NDUFA11: variants seen among roughly 807,000 people sequenced by gnomAD.
The protein encoded by NDUFA11 is NADH:ubiquinone oxidoreductase subunit A11.
In NDUFA11, 14 loss-of-function variants were observed where a neutral mutation model predicts 11.3. The ratio of observed to expected loss-of-function variants is 1.24; its 90% CI spans 0.82 to 1.94. The LOEUF is 1.94. NDUFA11 is among the 30% of genes most tolerant of loss of function. The pLI is 0.00. For synonymous variants in NDUFA11, 87 were observed against 85.6 expected (o/e 1.02, Z -0.09); for missense variants, 204 against 200.3 (o/e 1.02, Z -0.11).
chr19:5,893,278 T>A, downstream of NDUFA11: 1 of 1,248,590 alleles, frequency 8.0e-7, no homozygotes, highest in Non-Finnish European at 1.1e-6. This position sits in a 1 kb window ranked among gnomAD's most constrained non-coding sequence, Gnocchi z 4.1. Flanking sequence ...CACAACACAG[T>A]GAGATCCTGT....
chr19:5,891,647 C>T (rs575408119), downstream of NDUFA11: 67 of 152,576 alleles, frequency 4.4e-4, no homozygotes, highest in African/African-American at 1.5e-3. Flanking sequence ...AGCCCCCAGG[C>T]ACCTCTCCTG....
intron 1 of NDUFA11, chr19:5,901,326 G>T: frequency 1.6e-6 from 2 of 1,281,932 alleles, no homozygotes; most frequent in Non-Finnish European, 2.0e-6. Flanking sequence ...GAAGACCCTC[G>T]ATAAGGACCT....
chr19:5,898,370 CA>C (rs894696097), intron 1 of NDUFA11, among the ~76,000 whole-genome samples: 2 of 152,214 alleles, frequency 1.3e-5, no homozygotes, highest in Non-Finnish European at 2.9e-5. Context: ...TTCTGTCCCT[CA>C]AGAGCGACTG....
At chr19:5,899,361 GGATGGTCTCCATC>G (rs2057630557) in intron 1 of NDUFA11, among the ~76,000 whole-genome samples, 1 of 150,956 alleles carries the variant, frequency 6.6e-6, no homozygotes, top group African/African-American at 2.4e-5. Flanking sequence ...GTGTTAGCCA[GGATGGTCTCCATC>G]TCCTGACCTC....
rs2057607555 is a variant in NDUFA11, at chr19:5,896,267, C to T, written c.313+186G>A. 8.8e-6 allele frequency: 6 copies of T among 680,856 alleles called. No individual in the cohort carries two copies. The South Asian group carries it at 1.1e-4, about 12-fold the overall frequency. The allele number at this position is 680,856 out of a possible 1,614,324, so 42.2% of individuals were successfully genotyped here. A position where few individuals can be genotyped will look rare whatever the true frequency, so the allele number is the denominator to read the frequency against. ...AGGGTGGGGAGGGGACAGGGCAGGT[C>T]AGGGAGGGCCACAGTAGGTGCTTAA... On this transcript the variant is annotated intron_variant, in intron 3 of 3. Transcript: ENST00000308961. This position sits in a 1 kb window ranked among gnomAD's most constrained non-coding sequence, Gnocchi z 5.8.
chr19:5,896,431 G>C lies in NDUFA11; in HGVS notation c.313+22C>G. The stretch of plus-strand genomic sequence containing the variant: ...TTCTGCCAGGCTGGGAGGAGGGTGG[G>C]GGTGGGGAGGGGGCCACTCACTGCG... On this transcript the variant is annotated intron_variant, in intron 3 of 3. Transcript: ENST00000308961. The surrounding 1 kb of genome is among the most constrained non-coding windows in gnomAD (Gnocchi z 5.8). The C allele has an allele frequency of 6.8e-7, 1 of 1,461,912 alleles. No individual in the cohort carries two copies. Among genetic ancestry groups the C allele is most frequent in the African/African-American group, 1.4e-5 (1 of 72,246 alleles). The allele number at this position is 1,461,912 out of a possible 1,614,324, so 90.6% of individuals were successfully genotyped here.
chr19:5,897,913 C>G (rs1296143522), intron 1 of NDUFA11, among the ~76,000 whole-genome samples: 2 of 152,192 alleles, frequency 1.3e-5, no homozygotes, highest in Admixed American at 6.5e-5. Context: ...TGAGCCAGCC[C>G]GAGCCGGGGC....
rs752783429 is a variant in NDUFA11, at chr19:5,896,524, C to T, written c.242G>A (p.Arg81His). The T allele has an allele frequency of 2.7e-5, 43 of 1,569,154 alleles. No individual in the cohort carries two copies. Among genetic ancestry groups the T allele is most frequent in the Middle Eastern group, 1.8e-4 (1 of 5,666 alleles). The change falls in exon 3 of 4, where the codon CGC becomes CAC. Residue 81 changes from arginine to histidine, a missense_variant. Physicochemically the swap from Arg to His is conservative, Grantham distance 29. Coordinates refer to ENST00000308961, the MANE Select transcript of NDUFA11 (RefSeq NM_175614.5). This position sits in a 1 kb window ranked among gnomAD's most constrained non-coding sequence, Gnocchi z 5.8. ...GTTCAGGGGGTCGTCGGGCTTCTCG[C>T]GGACATGGGCGCTGATGCAGGTGGT... Reference protein sequence around the residue: ...GLTTCISAHVREKPDDPLNYF... With the variant: ...GLTTCISAHVHEKPDDPLNYF...
chr19:5,901,589 T>C (rs2057645692), intron 1 of NDUFA11: 3 of 532,312 alleles, frequency 5.6e-6, no homozygotes, highest in Non-Finnish European at 8.9e-6. Context: ...CTGTTTCACA[T>C]ATGCTGGAAA....
intron 1 of NDUFA11, among the ~76,000 whole-genome samples, chr19:5,899,451 CTT>C (rs71172780): frequency 2.9e-5 from 2 of 68,846 alleles, no homozygotes; most frequent in African/African-American, 5.8e-5. Flanking sequence ...CGCCCGGACT[CTT>C]TTTTTTTTTT....
chr19:5,894,807 C>T lies in NDUFA11; in HGVS notation c.361G>A (p.Ala121Thr). ...GAAACVYFGIAASLVKMGRLE... is the reference protein window; with the variant it reads ...GAAACVYFGITASLVKMGRLE... The stretch of plus-strand genomic sequence containing the variant: ...CGGCCCATCTTGACCAGGGAGGCCG[C>T]TATGCCAAAGTACACGCAGGCGGCG... The change falls in exon 4 of 4, where the codon GCG becomes ACG. Residue 121 changes from alanine to threonine, a missense_variant. Transcript: ENST00000308961. The T allele has an allele frequency of 6.8e-6, 11 of 1,613,580 alleles. No homozygotes were observed. Among genetic ancestry groups the T allele is most frequent in the Non-Finnish European group, 9.3e-6 (11 of 1,179,790 alleles).
In NDUFA11 at chr19:5,894,862, A is replaced by T. The variant is rs774582647; in HGVS notation, c.314-8T>A. ...CAATCCCGTAGTTGTGCGCTGTGGG[A>T]GTGGGGAGGTGATGTCAGGCCCGGG... On this transcript the variant is annotated splice_polypyrimidine_tract_variant and splice_region_variant and intron_variant, in intron 3 of 3. Transcript: ENST00000308961. The T allele has an allele frequency of 1.4e-5, 23 of 1,594,662 alleles. No individual in the cohort carries two copies. The highest frequency in any genetic ancestry group is 2.0e-5 in the Non-Finnish European group (23 of 1,169,938).
chr19:5,891,350 C>T (rs1002046919), downstream of NDUFA11: 2 of 152,142 alleles, frequency 1.3e-5, no homozygotes, highest in African/African-American at 4.8e-5. Context: ...ACCTCCACCT[C>T]CCAGGTTCAA....
chr19:5,898,750 T>G (rs1339788258), intron 1 of NDUFA11, among the ~76,000 whole-genome samples: 1 of 152,042 alleles, frequency 6.6e-6, no homozygotes, highest in Non-Finnish European at 1.5e-5. Context: ...GGTACACATC[T>G]GTAGTCCCAG....
At chr19:5,901,442 C>A in intron 1 of NDUFA11, 1 of 1,287,030 alleles carries the variant, frequency 7.8e-7, no homozygotes. Context: ...CTTCTCCAAC[C>A]TTCAGTCCCT....
Position 5,903,649 on chromosome 19 carries a change from G to A in NDUFA11, c.60C>T (p.Arg20=). 1 of 1,551,488 alleles carries A rather than the reference G, an allele frequency of 6.4e-7. No homozygotes were observed. The highest frequency in any genetic ancestry group is 8.7e-7 in the Non-Finnish European group (1 of 1,146,928). Residue 20 remains arginine, a synonymous_variant, in exon 1 of 4, where the codon CGC becomes CGT. Coordinates refer to ENST00000308961, the MANE Select transcript of NDUFA11 (RefSeq NM_175614.5). ...CAATACTGGTGGTGCTGTAGGCTTT[G>A]CGGTGGCAATCGGTGCCATCGGGGA... The part of the protein sequence containing the change: ...WDIPDGTDCH[R]KAYSTTSIAS...
chr19:5,892,716 G>A (rs562368617), downstream of NDUFA11: 30 of 652,372 alleles, frequency 4.6e-5, no homozygotes, highest in Admixed American at 1.4e-4. Flanking sequence ...TGTGGTGGGC[G>A]CTGCCCCCTG....
At chr19:5,899,451 CTTTTT>C (rs71172780) in intron 1 of NDUFA11, among the ~76,000 whole-genome samples, 52 of 68,832 alleles carry the variant, frequency 7.6e-4, no homozygotes, top group South Asian at 6.0e-3. Flanking sequence ...CGCCCGGACT[CTTTTT>C]TTTTTTTTTT....
rs891932564 is a variant in NDUFA11 at position 5,896,291 on chromosome 19, A to C, written c.313+162T>G. 25 of 834,958 alleles carry C rather than the reference A, an allele frequency of 3.0e-5. No individual in the cohort carries two copies. Among genetic ancestry groups the C allele is most frequent in the Admixed American group, 2.0e-4 (8 of 40,234 alleles). The allele number at this position is 834,958 out of a possible 1,614,324, so 51.7% of individuals were successfully genotyped here. A position where few individuals can be genotyped will look rare whatever the true frequency, so the allele number is the denominator to read the frequency against. ...TCAGGGAGGGCCACAGTAGGTGCTT[A>C]AGCAGCAGCAGCAGCTGTCGCTATG... On this transcript the variant is annotated intron_variant, in intron 3 of 3. Coordinates refer to ENST00000308961, the MANE Select transcript of NDUFA11 (RefSeq NM_175614.5). The surrounding 1 kb of genome is among the most constrained non-coding windows in gnomAD (Gnocchi z 5.8).
Sources: gnomAD v4.1 joint callset for allele counts (sites outside exome capture counted in the v4.1 genomes callset) on GRCh38, gnomAD v4.1.1 for gene constraint, Gnocchi (gnomAD v3.1) non-coding constraint, MANE v1.5 for transcripts, NCBI Gene and HGNC (gene_info 2026-07-23, HGNC 2026-07-21) for gene names.